Variants in MLPH observed in about 807,000 individuals in gnomAD.
MLPH encodes melanophilin, also known as exophilin-3.
MLPH carries 51 observed loss-of-function variants against 72.1 expected under a neutral mutation model. The ratio of observed to expected loss-of-function variants is 0.71; its 90% CI spans 0.56 to 0.89. The LOEUF (loss-of-function observed/expected upper bound fraction) is 0.89. MLPH is among the 40% of genes least tolerant of loss of function. The pLI is 0.00. For synonymous variants in MLPH, 301 were observed against 310.1 expected, an observed-to-expected ratio of 0.97 and a Z score of 0.31; for missense variants, 743 against 759.9, an observed-to-expected ratio of 0.98 and a Z score of 0.26.
At position 237,540,372 on chromosome 2, in the gene MLPH, G is replaced by C. The variant is rs765377007; in HGVS notation, c.1129G>C (p.Glu377Gln). 6.2e-7 allele frequency: 1 copy of C among 1,613,756 alleles called. No individual in the cohort carries two copies. The highest frequency in any genetic ancestry group is 1.7e-5 in the Admixed American group (1 of 60,022). The change falls in exon 10 of 16, where the codon GAG (glutamate) becomes CAG (glutamine). Residue 377 changes from glutamate to glutamine, a missense_variant. Coordinates refer to ENST00000264605, the MANE Select transcript of MLPH (RefSeq NM_024101.7). ...GGGTCTAGGTGCTGGAGTGCGCACG[G>C]AGGCCGATGTAGAGGAGGAGGCCCT... ...AKGLGAGVRT[E>Q]ADVEEEALRR...
intron 2 of MLPH, among the ~76,000 whole-genome samples, chr2:237,494,831 T>A (rs1034071988): frequency 6.6e-6 from 1 of 152,158 alleles, no homozygotes; most frequent in African/African-American, 2.4e-5. Context: ...AAGGTGAAGC[T>A]TCATATGGTG....
At chr2:237,500,562 T>C (rs74001372) in intron 2 of MLPH, among the ~76,000 whole-genome samples, 2,176 of 152,284 alleles carry the variant, frequency 0.014, 52 homozygotes, top group African/African-American at 0.049. Flanking sequence ...TACACCCACA[T>C]CAGAGACACA....
Position 237,546,587 on chromosome 2 carries a change from T to G in MLPH, c.1540-19T>G. The G allele has an allele frequency of 6.2e-7, 1 of 1,611,254 alleles. No individual in the cohort carries two copies. The highest frequency in any genetic ancestry group is 8.5e-7 in the Non-Finnish European group (1 of 1,177,534). The stretch of plus-strand genomic sequence containing the variant: ...GCTGGAGGTTCAACAATAACATAAG[T>G]CTCTTCTTTGCCCTCCAGATATTTC... On this transcript the variant is annotated intron_variant, in intron 12 of 15. Transcript: ENST00000264605.
At chr2:237,502,870 G>A (rs1233477379) in intron 2 of MLPH, among the ~76,000 whole-genome samples, 1 of 152,098 alleles carries the variant, frequency 6.6e-6, no homozygotes, top group Non-Finnish European at 1.5e-5. Context: ...TGTAACCCTA[G>A]CACTTTGGGA....
intron 7 of MLPH, among the ~76,000 whole-genome samples, chr2:237,526,698 C>A (rs1024890138): frequency 6.6e-6 from 1 of 152,142 alleles, no homozygotes; most frequent in Admixed American, 6.6e-5. Context: ...GAGTTTGGAG[C>A]CTCACTCTGC....
chr2:237,545,456 G>C (rs777315085), intron 12 of MLPH: 2 of 1,287,070 alleles, frequency 1.6e-6, no homozygotes, highest in South Asian at 2.5e-5. Flanking sequence ...ACCCTAAAAA[G>C]GCTCTTTATG....
At chr2:237,529,468 C>T (rs1559361906) in intron 8 of MLPH, among the ~76,000 whole-genome samples, 1 of 152,166 alleles carries the variant, frequency 6.6e-6, no homozygotes, top group Non-Finnish European at 1.5e-5. Context: ...ATTCAAGTGC[C>T]CTGAGTTCCG....
Position 237,524,264 on chromosome 2 carries a change from G to C in MLPH, c.676-1337G>C, listed in dbSNP as rs1438238807. ...CGCCCTACAGGATCATTTCAAGGATGCTGTATTAGGGTTTTCTTAGAGGGA... is the reference window on the plus strand; with the variant it reads ...CGCCCTACAGGATCATTTCAAGGATCCTGTATTAGGGTTTTCTTAGAGGGA... On this transcript the variant is annotated intron_variant, in intron 6 of 15. Transcript: ENST00000264605. 3.4e-5 allele frequency among the ~76,000 whole-genome samples: 5 copies of C among 147,570 alleles called. 1 individual carries two copies. The highest frequency in any genetic ancestry group is 1.3e-4 in the African/African-American group (5 of 37,760).
chr2:237,527,487 C>T lies in MLPH; in HGVS notation c.991C>T (p.Arg331Trp), dbSNP rs577434782. The part of the protein sequence containing the change: ...AHVMASHHSK[R>W]RGRASSESQI... ...CGTGATGGCCTCCCACCATTCCAAG[C>T]GGAGAGGCCGGGCGTCTTCTGAGAG... Residue 331 changes from arginine to tryptophan, a missense_variant, in exon 8 of 16, where the codon CGG becomes TGG. Coordinates refer to ENST00000264605, the MANE Select transcript of MLPH (RefSeq NM_024101.7). The T allele has an allele frequency of 6.8e-5, 110 of 1,614,168 alleles. No individual in the cohort carries two copies. In the South Asian group the frequency reaches 1.0e-3, roughly 15 times the overall value.
intron 4 of MLPH, among the ~76,000 whole-genome samples, chr2:237,513,360 C>G (rs2079948131): frequency 6.6e-6 from 1 of 152,098 alleles, no homozygotes; most frequent in African/African-American, 2.4e-5. Context: ...CACCCAGTCC[C>G]CCTACCCCCG....
At chr2:237,536,126 G>C (rs548383819) in intron 9 of MLPH, among the ~76,000 whole-genome samples, 2 of 152,304 alleles carry the variant, frequency 1.3e-5, no homozygotes, top group African/African-American at 4.8e-5. Context: ...CAGGGCTCCG[G>C]AGAAACAGAT....
At chr2:237,525,570 G>GA (rs777621345) in intron 6 of MLPH, 31 bp from the exon 7 acceptor site, 160 of 1,609,642 alleles carry the variant, frequency 9.9e-5, no homozygotes, top group Middle Eastern at 6.6e-4. Flanking sequence ...AGTAAACCCT[G>GA]CAGAGGAGGC....
At chr2:237,509,681 T>C (rs1464483132) in intron 2 of MLPH, among the ~76,000 whole-genome samples, 2 of 152,188 alleles carry the variant, frequency 1.3e-5, no homozygotes, top group African/African-American at 4.8e-5. Context: ...CGTGTCCATC[T>C]CAGTGAACAT....
At position 237,512,106 on chromosome 2, in the gene MLPH, G is replaced by A. The variant is rs2079916458; in HGVS notation, c.445+1005G>A. Among the ~76,000 whole-genome samples, 1 of 152,242 alleles carries A rather than the reference G, an allele frequency of 6.6e-6. No homozygotes were observed. The highest frequency in any genetic ancestry group is 6.5e-5 in the Admixed American group (1 of 15,292). Reference sequence around the variant, plus strand: ...TCTCCAGGGCCACGAGGCAGCGCCTGGCTCCGGCAGCTGGGCACGTCCAGG... The same window carrying A: ...TCTCCAGGGCCACGAGGCAGCGCCTAGCTCCGGCAGCTGGGCACGTCCAGG... On this transcript the variant is annotated intron_variant, in intron 4 of 15. Transcript: ENST00000264605. This position sits in a 1 kb window ranked among gnomAD's most constrained non-coding sequence, Gnocchi z 5.5.
intron 1 of MLPH, among the ~76,000 whole-genome samples, chr2:237,488,991 A>T (rs1362840828): frequency 6.6e-6 from 1 of 151,618 alleles, no homozygotes; most frequent in African/African-American, 2.4e-5. Flanking sequence ...CCCCCTCTTA[A>T]TTTCAACATC....
intron 6 of MLPH, among the ~76,000 whole-genome samples, chr2:237,525,276 G>A (rs2080277333): frequency 6.6e-6 from 1 of 152,190 alleles, no homozygotes; most frequent in Admixed American, 6.5e-5. Context: ...TTTGGTCTCT[G>A]GGTGAGTCTG....
chr2:237,542,506 AC>A (rs1164660320), intron 11 of MLPH, 60 bp from the exon 12 acceptor site: 2 of 1,351,450 alleles, frequency 1.5e-6, no homozygotes, highest in Non-Finnish European at 2.1e-6. Flanking sequence ...TCTGTCCATG[AC>A]TTTGAGGCGG....
At chr2:237,546,211 G>A (rs944760111) in intron 12 of MLPH, among the ~76,000 whole-genome samples, 2 of 152,164 alleles carry the variant, frequency 1.3e-5, no homozygotes, top group African/African-American at 2.4e-5. Context: ...CAGTGAGTCT[G>A]CATTTTTACA....
intron 6 of MLPH, among the ~76,000 whole-genome samples, chr2:237,524,972 C>T (rs1349021089): frequency 6.6e-6 from 1 of 152,208 alleles, no homozygotes. Flanking sequence ...AGGTCCTGCT[C>T]TAACTGGAGG....
Sources: gnomAD v4.1 joint callset for allele counts (sites outside exome capture counted in the v4.1 genomes callset) on GRCh38, gnomAD v4.1.1 for gene constraint, Gnocchi (gnomAD v3.1) non-coding constraint, MANE v1.5 for transcripts, NCBI Gene and HGNC (gene_info 2026-07-23, HGNC 2026-07-21) for gene names.